WAC: variants seen among roughly 807,000 people sequenced by gnomAD.
WAC encodes the protein WW domain containing adaptor with coiled-coil.
A neutral mutation model predicts 79.6 loss-of-function variants in WAC; 11 were observed. The ratio of observed to expected loss-of-function variants is 0.14; its 90% CI spans 0.09 to 0.23. The LOEUF (loss-of-function observed/expected upper bound fraction) is 0.23. WAC is among the 10% of genes least tolerant of loss of function. The probability of loss-of-function intolerance (pLI) is 1.00; values close to 1 mark genes in which losing one functional copy is unlikely to be tolerated. For missense variants in WAC, 728 were observed against 773.5 expected, an observed-to-expected ratio of 0.94 and a Z score of 0.70; for synonymous variants, 304 against 276.9, an observed-to-expected ratio of 1.10 and a Z score of -0.97.
Position 28,550,572 on chromosome 10 carries a change from T to C in WAC, c.274+14815T>C, listed in dbSNP as rs1216028859. ...GAGGGGGGTCTGGTGTATATATATGTGCTCAGTAAATGTTAAATGTCTTAT... is the reference window on the plus strand; with the variant it reads ...GAGGGGGGTCTGGTGTATATATATGCGCTCAGTAAATGTTAAATGTCTTAT... On this transcript the variant is annotated intron_variant, in intron 3 of 13. Coordinates refer to ENST00000354911, the MANE Select transcript of WAC (RefSeq NM_016628.5). Among the ~76,000 whole-genome samples, 5 of 152,286 alleles carry C rather than the reference T, an allele frequency of 3.3e-5. No homozygotes were observed. In the South Asian group the frequency reaches 6.2e-4, roughly 19 times the overall value.
chr10:28,587,598 A>G (rs1055843749), intron 4 of WAC, among the ~76,000 whole-genome samples: 22 of 152,204 alleles, frequency 1.4e-4, no homozygotes, highest in African/African-American at 5.3e-4. Flanking sequence ...AGTCCTCAAT[A>G]TTAGTTACTC....
intron 3 of WAC, among the ~76,000 whole-genome samples, chr10:28,581,759 C>T (rs1839550022): frequency 6.6e-6 from 1 of 150,960 alleles, no homozygotes; most frequent in South Asian, 2.1e-4. Context: ...TGGGGTTTTA[C>T]CATGTTGGTC....
At chr10:28,576,068 T>C (rs1408435496) in intron 3 of WAC, among the ~76,000 whole-genome samples, 1 of 152,168 alleles carries the variant, frequency 6.6e-6, no homozygotes, top group East Asian at 1.9e-4. Flanking sequence ...GACTATACCA[T>C]CTAGGTTTGC....
Position 28,588,016 on chromosome 10 carries a change from G to T in WAC, c.382-1720G>T, listed in dbSNP as rs1736701112. ...TCCTTATTTCCTCCAGGATAAGTTG[G>T]CAAACCATCACTTGGAAGAGCACTG... is the stretch of plus-strand genomic sequence containing the variant. On this transcript the variant is annotated intron_variant, in intron 4 of 13. Coordinates refer to ENST00000354911, the MANE Select transcript of WAC (RefSeq NM_016628.5). 2.0e-5 allele frequency among the ~76,000 whole-genome samples: 3 copies of T among 152,096 alleles called. No homozygotes were observed. The South Asian group carries it at 6.2e-4, about 32-fold the overall frequency.
At chr10:28,583,978 A>G (rs990925740) in intron 4 of WAC, among the ~76,000 whole-genome samples, 43 of 152,220 alleles carry the variant, frequency 2.8e-4, no homozygotes, top group African/African-American at 9.9e-4. Flanking sequence ...AAATATTTTC[A>G]GAAGTTTAGT....
chr10:28,614,809 C>A, intron 11 of WAC, 124 bp downstream of exon 11: 1 of 800,356 alleles, frequency 1.2e-6, no homozygotes, highest in Non-Finnish European at 1.9e-6. Context: ...CTAAAGTAGG[C>A]TTACATGTTG....
chr10:28,603,945 ATATATATGTATGTATGTATAT>A (rs1840774700), intron 7 of WAC, among the ~76,000 whole-genome samples: 2 of 25,192 alleles, frequency 7.9e-5, no homozygotes, highest in Admixed American at 6.4e-4. Context: ...AAAAAAAAAT[ATATATATGTATGTATGTATAT>A]ATATATATAT....
chr10:28,588,157 A>G (rs1415410733), intron 4 of WAC, among the ~76,000 whole-genome samples: 2 of 152,172 alleles, frequency 1.3e-5, no homozygotes, highest in Admixed American at 6.5e-5. Flanking sequence ...CCTTCCAGAT[A>G]ACATCCGTAG....
intron 3 of WAC, among the ~76,000 whole-genome samples, chr10:28,551,568 T>C (rs1373269566): frequency 6.6e-6 from 1 of 152,190 alleles, no homozygotes; most frequent in Non-Finnish European, 1.5e-5. Context: ...TCCTATCTTA[T>C]TTTTTATCTG....
intron 3 of WAC, among the ~76,000 whole-genome samples, chr10:28,560,538 T>G (rs902656669): frequency 4.6e-5 from 7 of 152,158 alleles, no homozygotes; most frequent in African/African-American, 7.2e-5. Context: ...AAACAGATGT[T>G]GAGTAGGCAA....
chr10:28,592,734 G>GT (rs1360770402), intron 6 of WAC, among the ~76,000 whole-genome samples: 1 of 152,056 alleles, frequency 6.6e-6, no homozygotes, highest in Non-Finnish European at 1.5e-5. Flanking sequence ...AATAGGTAAA[G>GT]TTTTTAAATT....
intron 1 of WAC, 147 bp from the exon 2 acceptor site, chr10:28,533,851 G>A (rs1836439577): frequency 1.8e-6 from 2 of 1,113,466 alleles, no homozygotes; most frequent in Non-Finnish European, 2.6e-6. Context: ...GGAGGCTCCG[G>A]GTTTGTGCCG....
chr10:28,619,281 AAAAAT>A (rs781543104), intron 13 of WAC, among the ~76,000 whole-genome samples: 39 of 152,320 alleles, frequency 2.6e-4, no homozygotes, highest in Non-Finnish European at 4.0e-4. Flanking sequence ...CTCTGTCTCA[AAAAAT>A]AAAATAAAAT....
At chr10:28,600,449 C>T (rs1286447448) in intron 7 of WAC, among the ~76,000 whole-genome samples, 1 of 152,088 alleles carries the variant, frequency 6.6e-6, no homozygotes, top group African/African-American at 2.4e-5. Flanking sequence ...AACTTCAGCA[C>T]TCAGTTGCTT....
intron 7 of WAC, among the ~76,000 whole-genome samples, chr10:28,604,666 G>T (rs1056541883): frequency 2.0e-5 from 3 of 152,162 alleles, no homozygotes; most frequent in African/African-American, 7.2e-5. Flanking sequence ...ATTGCAGTGA[G>T]CCAAGATCAC....
At position 28,621,672 on chromosome 10, in the gene WAC, C is replaced by T. The variant is rs1841697307; in HGVS notation, c.*2066C>T. 6.6e-6 allele frequency: 1 copy of T among 152,138 alleles called. No homozygotes were observed. 9.4% of individuals were successfully genotyped at this position (152,138 alleles called of 1,614,324 possible). A position where few individuals can be genotyped will look rare whatever the true frequency, so the allele number is the denominator to read the frequency against. ...CAGCTAGAAACCTTACTGTATCTTT[C>T]CTGGAAAGAAGTGAGCAATTTGTTG... On this transcript the variant is annotated 3_prime_UTR_variant, in exon 14 of 14. Transcript: ENST00000354911.
chr10:28,612,703 C>T (rs1164744791), intron 10 of WAC, among the ~76,000 whole-genome samples: 1 of 152,182 alleles, frequency 6.6e-6, no homozygotes, highest in African/African-American at 2.4e-5. Flanking sequence ...CCCGTTTGTT[C>T]ATCCCTTCCC....
At chr10:28,608,639 C>T (rs1230576032) in intron 8 of WAC, 5 of 555,696 alleles carry the variant, frequency 9.0e-6, no homozygotes, top group African/African-American at 1.9e-5. Context: ...GTTAGTGGTG[C>T]TTGGATCTTG....
chr10:28,591,112 A>C, intron 6 of WAC: 1 of 322,130 alleles, frequency 3.1e-6, no homozygotes, highest in Non-Finnish European at 5.8e-6. Flanking sequence ...GTTTCCCCTG[A>C]TCCCCCCAGA....
Sources: gnomAD v4.1 joint callset for allele counts (sites outside exome capture counted in the v4.1 genomes callset) on GRCh38, gnomAD v4.1.1 for gene constraint, MANE v1.5 for transcripts, NCBI Gene and HGNC (gene_info 2026-07-23, HGNC 2026-07-21) for gene names.